Variants in SMYD3 observed in about 807,000 individuals in gnomAD.
SMYD3 encodes histone-lysine N-methyltransferase SMYD3.
Under a neutral mutation model 57.7 loss-of-function variants are expected in SMYD3, and 36 were observed. That is an observed-to-expected ratio of 0.62 (90% CI 0.48 to 0.82). The LOEUF is 0.82. Among genes scored for constraint, SMYD3 ranks in the 40% least tolerant of loss-of-function variants. The pLI, the probability that SMYD3 is intolerant of heterozygous loss-of-function variation, is 0.00. For synonymous variants in SMYD3, 211 were observed against 195.0 expected (o/e 1.08, Z -0.68); for missense variants, 515 against 538.8 (o/e 0.96, Z 0.44).
At chr1:245,990,600 T>C (rs1188699662) in intron 5 of SMYD3, among the ~76,000 whole-genome samples, 2 of 152,214 alleles carry the variant, frequency 1.3e-5, no homozygotes, top group Admixed American at 6.5e-5. Context: ...AACCAGGGTA[T>C]TTCCTGCAAC....
intron 1 of SMYD3, among the ~76,000 whole-genome samples, chr1:246,461,638 G>C (rs916616721): frequency 6.7e-6 from 1 of 150,330 alleles, no homozygotes; most frequent in Non-Finnish European, 1.5e-5. Context: ...GGGGGCTGAG[G>C]CAGGAGAATG....
At chr1:245,964,856 A>G (rs540372625) in intron 5 of SMYD3, among the ~76,000 whole-genome samples, 28 of 152,216 alleles carry the variant, frequency 1.8e-4, no homozygotes, top group Non-Finnish European at 3.2e-4. Context: ...TAACATACAT[A>G]TAATGGGAAT....
intron 10 of SMYD3, among the ~76,000 whole-genome samples, chr1:245,829,863 C>A (rs1293624885): frequency 6.6e-6 from 1 of 151,854 alleles, no homozygotes; most frequent in Admixed American, 6.6e-5. Flanking sequence ...ATAAGTCAGC[C>A]ACAAAAAAGC....
At chr1:245,850,638 C>T (rs2050921493) in intron 10 of SMYD3, among the ~76,000 whole-genome samples, 1 of 152,154 alleles carries the variant, frequency 6.6e-6, no homozygotes, top group African/African-American at 2.4e-5. Context: ...GAAGTAAACA[C>T]TGCAGTGAGA....
intron 5 of SMYD3, among the ~76,000 whole-genome samples, chr1:246,215,393 T>C (rs1405422135): frequency 2.6e-5 from 4 of 152,032 alleles, no homozygotes; most frequent in Non-Finnish European, 5.9e-5. Context: ...TTTGAGATCA[T>C]CAAAAAGAGT....
chr1:246,345,184 G>A (rs2065693136), intron 2 of SMYD3, among the ~76,000 whole-genome samples: 1 of 151,800 alleles, frequency 6.6e-6, no homozygotes, highest in Non-Finnish European at 1.5e-5. Flanking sequence ...ATGTTTTCTC[G>A]GTTTTATAGT....
At chr1:246,245,923 A>G (rs1558345820) in intron 5 of SMYD3, among the ~76,000 whole-genome samples, 1 of 152,230 alleles carries the variant, frequency 6.6e-6, no homozygotes, top group Non-Finnish European at 1.5e-5. Context: ...ACACCAGGCC[A>G]ATGTCTCAGT....
chr1:246,175,819 C>T (rs1316806184), intron 5 of SMYD3, among the ~76,000 whole-genome samples: 4 of 152,166 alleles, frequency 2.6e-5, no homozygotes, highest in Non-Finnish European at 5.9e-5. Flanking sequence ...GGAGGGCTTT[C>T]AAATACATTG....
chr1:246,193,426 T>C (rs1024311137), intron 5 of SMYD3, among the ~76,000 whole-genome samples: 1 of 152,242 alleles, frequency 6.6e-6, no homozygotes, highest in Non-Finnish European at 1.5e-5. Context: ...CTTCAGAATA[T>C]GTTTATTTGT....
At chr1:246,054,971 C>A (rs934102935) in intron 5 of SMYD3, among the ~76,000 whole-genome samples, 1 of 150,382 alleles carries the variant, frequency 6.6e-6, no homozygotes, top group Non-Finnish European at 1.5e-5. Context: ...GTCAGGAGAT[C>A]GTGACCATCC....
chr1:246,384,598 T>C (rs937591835), intron 1 of SMYD3, among the ~76,000 whole-genome samples: 15 of 152,164 alleles, frequency 9.9e-5, no homozygotes, highest in South Asian at 2.1e-4. Flanking sequence ...GGTTTCACCA[T>C]GTTGGCCAGG....
chr1:246,151,808 G>A (rs1417435921), intron 5 of SMYD3, among the ~76,000 whole-genome samples: 1 of 152,236 alleles, frequency 6.6e-6, no homozygotes, highest in Non-Finnish European at 1.5e-5. Flanking sequence ...ATGTAGGCCT[G>A]TCTGGCATTC....
chr1:245,875,605 T>G (rs186378878), intron 8 of SMYD3, among the ~76,000 whole-genome samples: 508 of 152,340 alleles, frequency 3.3e-3, no homozygotes, highest in African/African-American at 0.011. Context: ...AATGGCTTTT[T>G]GAGTATACAA....
intron 10 of SMYD3, among the ~76,000 whole-genome samples, chr1:245,796,651 T>C (rs776378141): frequency 2.0e-5 from 3 of 152,182 alleles, no homozygotes; most frequent in Non-Finnish European, 2.9e-5. Flanking sequence ...AAATTCAAAA[T>C]CAGTGAGGCC....
intron 5 of SMYD3, among the ~76,000 whole-genome samples, chr1:246,247,749 T>C (rs909296623): frequency 2.6e-5 from 4 of 152,192 alleles, no homozygotes; most frequent in African/African-American, 9.6e-5. Flanking sequence ...CACTTTTTAT[T>C]TTCTAGCTAA....
intron 1 of SMYD3, among the ~76,000 whole-genome samples, chr1:246,466,385 A>T (rs1337692264): frequency 6.6e-6 from 1 of 152,216 alleles, no homozygotes; most frequent in African/African-American, 2.4e-5. Flanking sequence ...AGGAACATGG[A>T]TGGAGCTGGA....
At chr1:246,448,795 T>C (rs889185570) in intron 1 of SMYD3, among the ~76,000 whole-genome samples, 2 of 150,506 alleles carry the variant, frequency 1.3e-5, no homozygotes, top group Non-Finnish European at 2.9e-5. Flanking sequence ...GCTTCCAATG[T>C]AGGACCAACC....
rs1572335310 is a variant in SMYD3, at chr1:246,283,322, G to A, written c.531+43879C>T. 2.0e-5 allele frequency among the ~76,000 whole-genome samples: 3 copies of A among 152,136 alleles called. No homozygotes were observed. In the East Asian group the frequency reaches 5.8e-4, roughly 29 times the overall value. ...GCTTAGCATTTTACCTGGAACCTAT[G>A]TGTTTCATGAGCATGAGCTATTGCC... On this transcript the variant is annotated intron_variant, in intron 5 of 11. Coordinates refer to ENST00000490107, the MANE Select transcript of SMYD3 (RefSeq NM_001167740.2).
chr1:245,792,809 T>G (rs1222113442), intron 10 of SMYD3, among the ~76,000 whole-genome samples: 1 of 152,166 alleles, frequency 6.6e-6, no homozygotes. Flanking sequence ...AGGGACGACG[T>G]CGAAGTTCAA....
Sources: allele counts gnomAD v4.1 joint callset (sites outside exome capture counted in the v4.1 genomes callset), GRCh38; gene constraint gnomAD v4.1.1; transcripts MANE v1.5; gene names NCBI Gene and HGNC (gene_info 2026-07-23, HGNC 2026-07-21).